CRY1: variants seen among roughly 807,000 people sequenced by gnomAD.
CRY1 encodes cryptochrome-1.
CRY1 carries 45 observed loss-of-function variants against 76.0 expected under a neutral mutation model. The observed-to-expected ratio is 0.59, with a 90% CI of 0.47 to 0.76. The LOEUF (loss-of-function observed/expected upper bound fraction) is 0.76. CRY1 is among the 30% of genes least tolerant of loss of function. The pLI, the probability that CRY1 is intolerant of heterozygous loss-of-function variation, is 0.00. For missense variants in CRY1, 587 were observed against 716.4 expected (o/e 0.82, Z 2.06); for synonymous variants, 248 against 244.0 (o/e 1.02, Z -0.15).
intron 1 of CRY1, among the ~76,000 whole-genome samples, chr12:107,064,274 T>C (rs527266218): frequency 3.3e-5 from 5 of 152,106 alleles, no homozygotes; most frequent in Admixed American, 3.3e-4. Flanking sequence ...AATAAGAAAA[T>C]AATCAACCCA....
At chr12:107,031,860 T>C (rs73386643) in intron 1 of CRY1, among the ~76,000 whole-genome samples, 18,845 of 152,138 alleles carry the variant, frequency 0.12, 1,969 homozygotes, top group African/African-American at 0.27. Context: ...CTAGATGGGA[T>C]TGTGGAAAAG....
In CRY1 at chr12:107,043,377, C is replaced by T. The variant is rs375144713; in HGVS notation, c.159-21185G>A. Among the ~76,000 whole-genome samples, 3 of 152,142 alleles carry T rather than the reference C, an allele frequency of 2.0e-5. No homozygotes were observed. In the East Asian group the frequency reaches 5.8e-4, roughly 29 times the overall value. ...CACCCAGAAGAATGATCATGCATTA[C>T]AGTACCTAAGCTGAAGTGGAGCCCT... On this transcript the variant is annotated intron_variant, in intron 1 of 12. Transcript: ENST00000008527.
At position 107,007,765 on chromosome 12, in the gene CRY1, AG is replaced by A. The variant is rs1952391882; in HGVS notation, c.268-2518del. Among the ~76,000 whole-genome samples the A allele has an allele frequency of 3.3e-5, 5 of 152,190 alleles. No homozygotes were observed. The South Asian group carries it at 1.0e-3, about 32-fold the overall frequency. ...AGCTAGTCTCAAAATCCTGCCCTCA[AG>A]AGATCCTCCTTCCTCAGCCTCCCAA... On this transcript the variant is annotated intron_variant, in intron 2 of 12. Coordinates refer to ENST00000008527, the MANE Select transcript of CRY1 (RefSeq NM_004075.5).
chr12:107,023,502 T>C (rs1952579180), intron 1 of CRY1, among the ~76,000 whole-genome samples: 1 of 152,218 alleles, frequency 6.6e-6, no homozygotes, highest in Non-Finnish European at 1.5e-5. Flanking sequence ...CTAGATCATT[T>C]TGTTCGCTTT....
chr12:107,090,579 G>A (rs1403553792), intron 1 of CRY1, among the ~76,000 whole-genome samples: 5 of 152,032 alleles, frequency 3.3e-5, no homozygotes, highest in Non-Finnish European at 7.4e-5. Flanking sequence ...TCAGTCTCAC[G>A]GCTCCACTAG....
chr12:107,069,553 T>C (rs1350849980), intron 1 of CRY1, among the ~76,000 whole-genome samples: 2 of 140,414 alleles, frequency 1.4e-5, no homozygotes, highest in Non-Finnish European at 3.0e-5. Flanking sequence ...ATATAAAGTA[T>C]ATATATAATA....
chr12:107,065,250 T>C (rs943087346), intron 1 of CRY1, among the ~76,000 whole-genome samples: 5 of 151,922 alleles, frequency 3.3e-5, no homozygotes, highest in African/African-American at 9.7e-5. Flanking sequence ...GCTGAGATCA[T>C]GCCACTGCAC....
chr12:107,006,992 C>A (rs574975278), intron 2 of CRY1, among the ~76,000 whole-genome samples: 1 of 152,176 alleles, frequency 6.6e-6, no homozygotes, highest in African/African-American at 2.4e-5. Flanking sequence ...AAAATAGTAT[C>A]TCATTAAAAA....
chr12:107,080,801 A>T (rs189809786), intron 1 of CRY1, among the ~76,000 whole-genome samples: 1 of 152,134 alleles, frequency 6.6e-6, no homozygotes, highest in African/African-American at 2.4e-5. Context: ...GAATATAAAG[A>T]AATGAAGTCA....
chr12:107,049,227 A>G (rs773842659), intron 1 of CRY1, among the ~76,000 whole-genome samples: 8 of 152,138 alleles, frequency 5.3e-5, no homozygotes, highest in Non-Finnish European at 1.0e-4. Flanking sequence ...GCCCAACACA[A>G]CTGCTAAAAA....
At position 107,021,980 on chromosome 12, in the gene CRY1, A is replaced by G. The variant is rs1952563606; in HGVS notation, c.267+104T>C. 3 of 866,410 alleles carry G rather than the reference A, an allele frequency of 3.5e-6. No individual in the cohort carries two copies. The South Asian group carries it at 5.1e-5, about 15-fold the overall frequency. 53.7% of individuals were successfully genotyped at this position (866,410 alleles called of 1,614,324 possible). ...AAACCCACAAAATTTTTACTTGAAA[A>G]TACTTATATTCGCTACATTTTCAAT... On this transcript the variant is annotated intron_variant, in intron 2 of 12. Coordinates refer to ENST00000008527, the MANE Select transcript of CRY1 (RefSeq NM_004075.5).
chr12:107,051,652 C>T (rs1952922485), intron 1 of CRY1, among the ~76,000 whole-genome samples: 1 of 152,018 alleles, frequency 6.6e-6, no homozygotes, highest in Non-Finnish European at 1.5e-5. Context: ...TGATATGGGC[C>T]TTTTAACTAT....
chr12:107,037,369 T>C (rs189617540), intron 1 of CRY1, among the ~76,000 whole-genome samples: 86 of 152,198 alleles, frequency 5.7e-4, no homozygotes, highest in African/African-American at 1.9e-3. Flanking sequence ...CTGTCTTTAC[T>C]GAAAATACAA....
chr12:106,992,507 A>T lies in CRY1; in HGVS notation c.*280T>A, dbSNP rs185014776. ...TAGTTACATAGTAAGGAAATAAAAA[A>T]GTTGTCTTTTTCTAAGAAAAAACTT... On this transcript the variant is annotated intron_variant, in intron 12 of 12. Transcript: ENST00000008527. 3 of 264,160 alleles carry T rather than the reference A, an allele frequency of 1.1e-5. No homozygotes were observed. The Admixed American group carries it at 1.4e-4, about 13-fold the overall frequency. 16.4% of individuals were successfully genotyped at this position (264,160 alleles called of 1,614,324 possible).
At chr12:107,069,070 G>A (rs1373188982) in intron 1 of CRY1, among the ~76,000 whole-genome samples, 1 of 151,996 alleles carries the variant, frequency 6.6e-6, no homozygotes, top group East Asian at 1.9e-4. Context: ...AAATTCTTTT[G>A]GAATTCTGTG....
chr12:107,054,899 A>G (rs1254319074), intron 1 of CRY1, among the ~76,000 whole-genome samples: 1 of 152,146 alleles, frequency 6.6e-6, no homozygotes, highest in Non-Finnish European at 1.5e-5. Context: ...AGCATTTCAA[A>G]TTGTATAAAG....
intron 2 of CRY1, among the ~76,000 whole-genome samples, chr12:107,005,824 T>C (rs747318207): frequency 6.6e-6 from 1 of 152,120 alleles, no homozygotes; most frequent in Non-Finnish European, 1.5e-5. Context: ...AATTTGGAGA[T>C]GGTAATAATA....
chr12:107,073,825 T>C (rs1036013805), intron 1 of CRY1, among the ~76,000 whole-genome samples: 4 of 152,154 alleles, frequency 2.6e-5, no homozygotes, highest in African/African-American at 7.2e-5. Flanking sequence ...TTATCACCTC[T>C]CAAAAGACTG....
chr12:107,048,731 G>A (rs1952878641), intron 1 of CRY1, among the ~76,000 whole-genome samples: 1 of 152,064 alleles, frequency 6.6e-6, no homozygotes, highest in African/African-American at 2.4e-5. Context: ...GTTAACTTCA[G>A]CTATCGTATT....
Sources: gnomAD v4.1 joint callset for allele counts (sites outside exome capture counted in the v4.1 genomes callset) on GRCh38, gnomAD v4.1.1 for gene constraint, MANE v1.5 for transcripts, NCBI Gene and HGNC (gene_info 2026-07-23, HGNC 2026-07-21) for gene names.